CCDC192: variants seen among roughly 807,000 people sequenced by gnomAD.
CCDC192 encodes coiled-coil domain-containing protein 192.
chr5:127,838,952 A>C (rs1174978353), intron 5 of CCDC192, among the ~76,000 whole-genome samples: 3 of 152,222 alleles, frequency 2.0e-5, no homozygotes, highest in East Asian at 3.9e-4. Context: ...ATCCCCTCCC[A>C]AGGAGGCTGA....
chr5:127,706,065 A>C (rs1750939678), intron 1 of CCDC192, among the ~76,000 whole-genome samples: 1 of 152,204 alleles, frequency 6.6e-6, no homozygotes, highest in Non-Finnish European at 1.5e-5. Flanking sequence ...GAACTTAATT[A>C]ATTTTGTTCA....
chr5:127,830,872 A>C (rs1474433358), intron 5 of CCDC192, among the ~76,000 whole-genome samples: 1 of 152,106 alleles, frequency 6.6e-6, no homozygotes, highest in Non-Finnish European at 1.5e-5. Flanking sequence ...TAAAAATTTA[A>C]ATTTATCTAA....
intron 6 of CCDC192, among the ~76,000 whole-genome samples, chr5:127,923,689 T>C (rs1392587432): frequency 6.6e-6 from 1 of 152,228 alleles, no homozygotes; most frequent in Admixed American, 6.5e-5. Flanking sequence ...TTCATTAGTC[T>C]TAACCAATCA....
chr5:127,746,516 T>G (rs1050695853), intron 2 of CCDC192, among the ~76,000 whole-genome samples: 1 of 152,096 alleles, frequency 6.6e-6, no homozygotes, highest in Non-Finnish European at 1.5e-5. Context: ...CTTTTAAAAA[T>G]AGTTTGGCCT....
intron 3 of CCDC192, among the ~76,000 whole-genome samples, chr5:127,790,036 G>A (rs966564210): frequency 3.9e-5 from 6 of 152,208 alleles, no homozygotes; most frequent in African/African-American, 1.4e-4. Context: ...GTAGGGCTGG[G>A]TGGGCACAAG....
At chr5:127,792,725 A>G (rs1211328597) in intron 3 of CCDC192, among the ~76,000 whole-genome samples, 1 of 151,562 alleles carries the variant, frequency 6.6e-6, no homozygotes, top group East Asian at 1.9e-4. Context: ...GCAGAAGCAG[A>G]AAAGGAGGAG....
chr5:127,791,676 G>C (rs142764841), intron 3 of CCDC192, among the ~76,000 whole-genome samples: 1 of 152,184 alleles, frequency 6.6e-6, no homozygotes, highest in Non-Finnish European at 1.5e-5. Context: ...AGTTGAAAAA[G>C]TCATTAAACA....
At position 127,709,471 on chromosome 5, in the gene CCDC192, T is replaced by C. The variant is rs374405047; in HGVS notation, c.114+1711T>C. ...AAACCTTATCACCAGCTAAGAATAA[T>C]TGATTCTTTTGTGAGTGATATATCT... On this transcript the variant is annotated intron_variant, in intron 2 of 6. Transcript: ENST00000514853. 1.2e-4 allele frequency among the ~76,000 whole-genome samples: 18 copies of C among 152,302 alleles called. No individual in the cohort carries two copies. The East Asian group carries it at 2.1e-3, about 18-fold the overall frequency.
rs558987709 is a variant in CCDC192, at chr5:127,939,199, C to T, written c.536-1983C>T. Among the ~76,000 whole-genome samples, 18 of 131,274 alleles carry T rather than the reference C, an allele frequency of 1.4e-4. No individual in the cohort carries two copies. In the South Asian group the frequency reaches 2.9e-3, roughly 21 times the overall value. 86.1% of individuals were successfully genotyped at this position (131,274 alleles called of 152,430 possible). A position where few individuals can be genotyped will look rare whatever the true frequency, so the allele number is the denominator to read the frequency against. ...GTGGCACAATCTCAGCTCAATGCAACCTGCAACTCCCAGGTTGAAGTGATT... is the reference window on the plus strand; with the variant it reads ...GTGGCACAATCTCAGCTCAATGCAATCTGCAACTCCCAGGTTGAAGTGATT... On this transcript the variant is annotated intron_variant, in intron 6 of 6. Coordinates refer to ENST00000514853, the MANE Select transcript of CCDC192 (RefSeq NM_001317938.2).
chr5:127,912,652 G>A (rs1290304635), intron 6 of CCDC192, among the ~76,000 whole-genome samples: 1 of 152,092 alleles, frequency 6.6e-6, no homozygotes, highest in Non-Finnish European at 1.5e-5. Context: ...GTGTTCATTG[G>A]AGCTATTATA....
intron 5 of CCDC192, among the ~76,000 whole-genome samples, chr5:127,841,598 C>A (rs1750288944): frequency 6.6e-6 from 1 of 152,130 alleles, no homozygotes; most frequent in African/African-American, 2.4e-5. Flanking sequence ...TTCCATGTAA[C>A]CCCTCTGGAG....
rs1431701307 is a variant in CCDC192 at position 127,754,277 on chromosome 5, C to G, written c.124C>G (p.Leu42Val). 4 of 398,144 alleles carry G rather than the reference C, an allele frequency of 1.0e-5. No homozygotes were observed. Among genetic ancestry groups the G allele is most frequent in the Non-Finnish European group, 1.8e-5 (4 of 225,874 alleles). The allele number at this position is 398,144 out of a possible 1,614,324, so 24.7% of individuals were successfully genotyped here. Residue 42 changes from leucine to valine, a missense_variant, in exon 3 of 7, where the codon CTG becomes GTG. Coordinates refer to ENST00000514853, the MANE Select transcript of CCDC192 (RefSeq NM_001317938.2). ...TTTTTTTTTTTTAAAGAAAGCGTCC[C>G]TGGATACTGGACAGATGGCGTTTAC... ...PQENKVSKASLDTGQMAFTLA... is the reference protein window; with the variant it reads ...PQENKVSKASVDTGQMAFTLA...
chr5:127,731,018 C>A (rs1162922037), intron 2 of CCDC192, among the ~76,000 whole-genome samples: 1 of 152,040 alleles, frequency 6.6e-6, no homozygotes, highest in Non-Finnish European at 1.5e-5. Context: ...TTGGCCAGGG[C>A]AATCAGGCAA....
At chr5:127,816,583 C>T (rs910118373) in intron 5 of CCDC192, among the ~76,000 whole-genome samples, 4 of 152,150 alleles carry the variant, frequency 2.6e-5, no homozygotes, top group Non-Finnish European at 5.9e-5. Flanking sequence ...GGTAGCTTCC[C>T]ACTGCTGTAT....
intron 6 of CCDC192, among the ~76,000 whole-genome samples, chr5:127,892,101 A>C (rs1195048547): frequency 1.3e-5 from 2 of 152,218 alleles, no homozygotes; most frequent in Non-Finnish European, 2.9e-5. Context: ...TGCGCAAATT[A>C]CTAAGTCTAA....
At chr5:127,766,536 C>G (rs889742046) in intron 3 of CCDC192, among the ~76,000 whole-genome samples, 1 of 147,918 alleles carries the variant, frequency 6.8e-6, no homozygotes, top group African/African-American at 2.5e-5. Context: ...CTATTCTTGT[C>G]CTACCCCATC....
At chr5:127,794,121 G>A (rs1035781070) in intron 3 of CCDC192, among the ~76,000 whole-genome samples, 2 of 152,166 alleles carry the variant, frequency 1.3e-5, no homozygotes, top group Non-Finnish European at 2.9e-5. Context: ...TGTGCAGTGT[G>A]AGTAACCCAA....
chr5:127,842,297 C>T (rs1296082485), intron 5 of CCDC192, among the ~76,000 whole-genome samples: 1 of 152,230 alleles, frequency 6.6e-6, no homozygotes, highest in African/African-American at 2.4e-5. Context: ...TCACTGCTAA[C>T]TCAACTTCCT....
At chr5:127,843,508 G>T (rs1222197239) in intron 5 of CCDC192, among the ~76,000 whole-genome samples, 1 of 150,784 alleles carries the variant, frequency 6.6e-6, no homozygotes, top group Non-Finnish European at 1.5e-5. Flanking sequence ...TGTGATCTTG[G>T]CTTACTACAA....
Sources: gnomAD v4.1 joint callset for allele counts (sites outside exome capture counted in the v4.1 genomes callset) on GRCh38, gnomAD v4.1.1 for gene constraint, MANE v1.5 for transcripts, NCBI Gene and HGNC (gene_info 2026-07-23, HGNC 2026-07-21) for gene names.